Variants in STXBP5 observed in about 807,000 individuals in gnomAD.
The protein encoded by STXBP5 is syntaxin-binding protein 5.
STXBP5 carries 50 observed loss-of-function variants against 152.4 expected under a neutral mutation model. The observed-to-expected ratio is 0.33, with a 90% CI of 0.26 to 0.42. The LOEUF (loss-of-function observed/expected upper bound fraction) is 0.42, where lower values mean the gene tolerates loss of function less well. Ranked by LOEUF, STXBP5 falls within the 10% of genes least tolerant of loss-of-function variation. The pLI is 1.00. For missense variants in STXBP5, 1,167 were observed against 1,388.6 expected (o/e 0.84, Z 2.54); for synonymous variants, 492 against 494.7 (o/e 0.99, Z 0.07).
intron 22 of STXBP5, 35 bp downstream of exon 22, chr6:147,353,408 C>G: frequency 7.2e-7 from 1 of 1,398,192 alleles, no homozygotes; most frequent in Non-Finnish European, 9.7e-7. Flanking sequence ...AATTTAACTC[C>G]CTATAATGGG....
chr6:147,329,637 TTTTTTTG>T (rs1783457131), intron 18 of STXBP5, among the ~76,000 whole-genome samples: 1 of 139,218 alleles, frequency 7.2e-6, no homozygotes, highest in Non-Finnish European at 1.5e-5. Context: ...TTTTTTTTTT[TTTTTTTG>T]AGACGGAGTC....
intron 14 of STXBP5, 45 bp downstream of exon 14, chr6:147,314,681 A>C (rs749688820): frequency 6.9e-7 from 1 of 1,451,902 alleles, no homozygotes. Context: ...TTATACAATC[A>C]CTGCTTTTAT....
intron 7 of STXBP5, among the ~76,000 whole-genome samples, chr6:147,275,990 T>C (rs1470184546): frequency 6.6e-6 from 1 of 152,212 alleles, no homozygotes; most frequent in South Asian, 2.1e-4. Flanking sequence ...TCTTCTCCCA[T>C]GAATTATTCA....
At chr6:147,209,039 A>G (rs891908196) in intron 2 of STXBP5, among the ~76,000 whole-genome samples, 2 of 152,086 alleles carry the variant, frequency 1.3e-5, no homozygotes, top group African/African-American at 2.4e-5. Context: ...TACTGTCTTT[A>G]TCTAGACTTC....
At chr6:147,295,821 T>G (rs1781492037) in intron 9 of STXBP5, among the ~76,000 whole-genome samples, 1 of 152,162 alleles carries the variant, frequency 6.6e-6, no homozygotes, top group Non-Finnish European at 1.5e-5. Context: ...GAACAATGTG[T>G]GTACCCTCAC....
At chr6:147,207,313 G>A (rs1163865732) in intron 2 of STXBP5, among the ~76,000 whole-genome samples, 1 of 152,082 alleles carries the variant, frequency 6.6e-6, no homozygotes, top group Admixed American at 6.5e-5. Context: ...GTTTTAGGAT[G>A]GACTATTGAA....
chr6:147,369,581 C>T (rs1010043814), intron 25 of STXBP5, among the ~76,000 whole-genome samples: 3 of 151,872 alleles, frequency 2.0e-5, no homozygotes, highest in Admixed American at 6.6e-5. Context: ...GGACTTGTCT[C>T]TAGAATATAT....
chr6:147,236,840 G>A (rs1004243575), intron 3 of STXBP5, among the ~76,000 whole-genome samples: 12 of 150,112 alleles, frequency 8.0e-5, no homozygotes, highest in Non-Finnish European at 1.8e-4. Context: ...ATGCAATGGC[G>A]TGGTCTTGAC....
chr6:147,270,351 A>G (rs1228952926), intron 7 of STXBP5, among the ~76,000 whole-genome samples: 1 of 150,028 alleles, frequency 6.7e-6, no homozygotes, highest in Non-Finnish European at 1.5e-5. Flanking sequence ...GTGAACTGAA[A>G]TCACACCACT....
chr6:147,312,266 C>T (rs1782421905), intron 11 of STXBP5, among the ~76,000 whole-genome samples: 2 of 152,100 alleles, frequency 1.3e-5, no homozygotes, highest in Admixed American at 6.6e-5. Flanking sequence ...CACACCATAG[C>T]TTCTTTGTAA....
At chr6:147,346,042 G>A (rs1784312064) in intron 21 of STXBP5, among the ~76,000 whole-genome samples, 1 of 152,148 alleles carries the variant, frequency 6.6e-6, no homozygotes, top group Non-Finnish European at 1.5e-5. Context: ...AGAGGCAAGG[G>A]TTGAAGAATA....
chr6:147,292,021 G>A (rs1215545232), intron 9 of STXBP5, among the ~76,000 whole-genome samples: 2 of 152,088 alleles, frequency 1.3e-5, no homozygotes, highest in African/African-American at 4.8e-5. Flanking sequence ...CTCTAGGGTC[G>A]GGACCCAGCA....
intron 2 of STXBP5, among the ~76,000 whole-genome samples, chr6:147,231,670 CTT>C (rs1298287623): frequency 5.3e-5 from 8 of 151,926 alleles, no homozygotes; most frequent in African/African-American, 1.9e-4. Context: ...TATTTCCTCA[CTT>C]AATAAATTTG....
intron 3 of STXBP5, among the ~76,000 whole-genome samples, chr6:147,236,778 CTT>C (rs796882567): frequency 2.0e-4 from 27 of 135,822 alleles, no homozygotes; most frequent in Admixed American, 3.0e-4. Context: ...CCTGTTCTGT[CTT>C]TTTTTTTTTT....
intron 5 of STXBP5, 38 bp from the exon 6 acceptor site, chr6:147,262,252 A>T (rs763472900): frequency 7.7e-7 from 1 of 1,294,942 alleles, no homozygotes; most frequent in Non-Finnish European, 1.1e-6. Context: ...TAAAATTCTT[A>T]ACTGAAGAGA....
intron 17 of STXBP5, 94 bp from the exon 18 acceptor site, chr6:147,327,031 C>T: frequency 8.7e-7 from 1 of 1,153,726 alleles, no homozygotes; most frequent in Non-Finnish European, 1.2e-6. Context: ...TCTGAAAGAC[C>T]CACCATGCTT....
intron 7 of STXBP5, among the ~76,000 whole-genome samples, chr6:147,274,783 A>C (rs1310017067): frequency 6.6e-6 from 1 of 152,114 alleles, no homozygotes; most frequent in African/African-American, 2.4e-5. Flanking sequence ...ATAGATAGTT[A>C]CATTGGGAAT....
At chr6:147,360,959 TTTACA>T (rs1268143446) in intron 23 of STXBP5, among the ~76,000 whole-genome samples, 1 of 152,198 alleles carries the variant, frequency 6.6e-6, no homozygotes, top group Admixed American at 6.5e-5. Context: ...CTGAGCCATC[TTTACA>T]TTAAATAATC....
intron 1 of STXBP5, among the ~76,000 whole-genome samples, chr6:147,205,615 A>C (rs1002135948): frequency 6.6e-6 from 1 of 152,176 alleles, no homozygotes; most frequent in Non-Finnish European, 1.5e-5. Context: ...CTGCCAAAAT[A>C]AAGTATGAAT....
Sources: gnomAD v4.1 joint callset for allele counts (sites outside exome capture counted in the v4.1 genomes callset) on GRCh38, gnomAD v4.1.1 for gene constraint, MANE v1.5 for transcripts, NCBI Gene and HGNC (gene_info 2026-07-23, HGNC 2026-07-21) for gene names.